The following DMD variants were observed in gnomAD, a reference collection of about 807,000 sequenced individuals.
DMD encodes mutant dystrophin.
A neutral mutation model predicts 330.1 loss-of-function variants in DMD; 63 were observed. That is an observed-to-expected ratio of 0.19 (90% CI 0.16 to 0.24). DMD has a LOEUF of 0.24. Among genes scored for constraint, DMD ranks in the 10% least tolerant of loss-of-function variants. The pLI is 1.00. For synonymous variants in DMD, 1,223 were observed against 959.8 expected, an observed-to-expected ratio of 1.27 and a Z score of -5.07; for missense variants, 3,344 against 2,684.1, an observed-to-expected ratio of 1.25 and a Z score of -5.43.
At chrX:33,136,404 CGAA>C (rs1381816499) in intron 1 of DMD, among the ~76,000 whole-genome samples, 2 of 100,309 alleles carry the variant, frequency 2.0e-5, no homozygotes, top group African/African-American at 7.5e-5. Context: ...GATACTAGAT[CGAA>C]GAAGTATTGT....
intron 50 of DMD, among the ~76,000 whole-genome samples, chrX:31,808,881 C>T (rs2092373138): frequency 9.0e-6 from 1 of 111,146 alleles, no homozygotes; most frequent in Admixed American, 9.7e-5. Flanking sequence ...CACCAAATCA[C>T]ATAGTTATGA....
chrX:32,334,217 G>T (rs1414662726), intron 41 of DMD, among the ~76,000 whole-genome samples: 1 of 111,609 alleles, frequency 9.0e-6, no homozygotes, highest in Non-Finnish European at 1.9e-5. Context: ...TTACAAAATT[G>T]AGCTGAGAGG....
At chrX:32,996,311 T>C (rs978312985) in intron 2 of DMD, among the ~76,000 whole-genome samples, 1 of 111,727 alleles carries the variant, frequency 9.0e-6, no homozygotes, top group African/African-American at 3.2e-5. Flanking sequence ...GGTAAATATT[T>C]ACAAATTTTA....
intron 1 of DMD, among the ~76,000 whole-genome samples, chrX:33,146,460 T>G (rs1015214829): frequency 1.8e-5 from 2 of 112,006 alleles, no homozygotes; most frequent in African/African-American, 3.2e-5. Context: ...GCTTTATATT[T>G]CTTCATGCTT....
intron 1 of DMD, among the ~76,000 whole-genome samples, chrX:33,338,758 A>C (rs2148970128): frequency 8.9e-6 from 1 of 111,849 alleles, no homozygotes; most frequent in Non-Finnish European, 1.9e-5. Flanking sequence ...GTCAAAAGCT[A>C]GAAATTGATG....
At chrX:32,136,905 A>G (rs6631502) in intron 44 of DMD, among the ~76,000 whole-genome samples, 1 of 108,516 alleles carries the variant, frequency 9.2e-6, no homozygotes, top group Non-Finnish European at 1.9e-5. Context: ...ATTTACCTTA[A>G]GCTAGATGAC....
chrX:32,159,476 A>C (rs12012791), intron 44 of DMD, among the ~76,000 whole-genome samples: 1,270 of 112,248 alleles, frequency 0.011, 24 homozygotes, highest in African/African-American at 0.039. Flanking sequence ...TTACTCACCC[A>C]GGCATTTGGA....
At chrX:32,989,680 G>A (rs1015651440) in intron 2 of DMD, among the ~76,000 whole-genome samples, 4 of 111,362 alleles carry the variant, frequency 3.6e-5, no homozygotes, top group East Asian at 2.8e-4. Context: ...AAATGAATAC[G>A]TTCATTTTCT....
intron 7 of DMD, among the ~76,000 whole-genome samples, chrX:32,741,034 C>T (rs1329082915): frequency 9.0e-6 from 1 of 111,554 alleles, no homozygotes; most frequent in Non-Finnish European, 1.9e-5. Context: ...TTTGTTTAAA[C>T]AAGTTAGTAT....
In DMD at chrX:31,308,854, T is replaced by C. The variant is rs193281073; in HGVS notation, c.9224+14744A>G. Among the ~76,000 whole-genome samples the C allele has an allele frequency of 4.0e-3, 441 of 111,207 alleles. 3 individuals carry two copies. The highest frequency in any genetic ancestry group is 0.014 in the African/African-American group (421 of 30,574). ...AAGTGATTCTCCTGCCTCAGCCTCC[T>C]GAGTAGTGGGGATTACAGGCATCTG... On this transcript the variant is annotated intron_variant, in intron 62 of 78. Coordinates refer to ENST00000357033, the MANE Select transcript of DMD (RefSeq NM_004006.3).
chrX:31,212,162 ATATATGTGTGTGTGTATG>A (rs1226572030), intron 64 of DMD, among the ~76,000 whole-genome samples: 16 of 85,506 alleles, frequency 1.9e-4, no homozygotes, highest in Middle Eastern at 6.1e-3. Flanking sequence ...ATATATATAT[ATATATGTGTGTGTGTATG>A]TGTGTGTGTG....
intron 52 of DMD, among the ~76,000 whole-genome samples, chrX:31,711,271 T>C (rs776074780): frequency 2.7e-5 from 3 of 111,032 alleles, no homozygotes; most frequent in Non-Finnish European, 3.8e-5. Flanking sequence ...GCTGAAAACA[T>C]ACATCTGCTA....
chrX:32,686,638 T>C (rs1282801530), intron 9 of DMD, among the ~76,000 whole-genome samples: 1 of 108,539 alleles, frequency 9.2e-6, no homozygotes. Flanking sequence ...ATCATGGTTG[T>C]CATGTATCTT....
intron 44 of DMD, among the ~76,000 whole-genome samples, chrX:32,203,971 T>A (rs2097052739): frequency 8.9e-6 from 1 of 111,820 alleles, no homozygotes; most frequent in African/African-American, 3.2e-5. Flanking sequence ...CTGATGACAA[T>A]ATAAAATAAG....
chrX:31,868,445 T>A (rs150866633), intron 48 of DMD, among the ~76,000 whole-genome samples: 2,289 of 111,972 alleles, frequency 0.02, 55 homozygotes, highest in African/African-American at 0.07. Context: ...TTCATGGCAA[T>A]ATAATTATTT....
chrX:31,214,565 A>T (rs1486567720), intron 64 of DMD, among the ~76,000 whole-genome samples: 1 of 111,993 alleles, frequency 8.9e-6, no homozygotes, highest in African/African-American at 3.2e-5. Context: ...AGTTGGGCAA[A>T]ACTGTCTAGC....
intron 44 of DMD, among the ~76,000 whole-genome samples, chrX:32,035,032 C>A (rs1380692992): frequency 9.0e-6 from 1 of 111,473 alleles, no homozygotes; most frequent in Non-Finnish European, 1.9e-5. Flanking sequence ...TATGCCAGAC[C>A]CTGTGTTAGA....
chrX:31,469,328 G>A, intron 59 of DMD, among the ~76,000 whole-genome samples: 1 of 111,482 alleles, frequency 9.0e-6, no homozygotes, highest in African/African-American at 3.3e-5. Context: ...TCCATATTTA[G>A]TGCTTCCTTC....
chrX:32,068,848 T>C (rs2096277507), intron 44 of DMD, among the ~76,000 whole-genome samples: 1 of 111,346 alleles, frequency 9.0e-6, no homozygotes, highest in Non-Finnish European at 1.9e-5. Flanking sequence ...CACCATAATA[T>C]GGAAGTGAGG....
Sources: gnomAD v4.1 joint callset for allele counts (sites outside exome capture counted in the v4.1 genomes callset) on GRCh38, gnomAD v4.1.1 for gene constraint, MANE v1.5 for transcripts, NCBI Gene and HGNC (gene_info 2026-07-23, HGNC 2026-07-21) for gene names.